CAMTA1: variants seen among roughly 807,000 people sequenced by gnomAD.
CAMTA1 encodes calmodulin-binding transcription activator 1.
CAMTA1 carries 27 observed loss-of-function variants against 170.9 expected under a neutral mutation model. The ratio of observed to expected loss-of-function variants is 0.16; its 90% CI spans 0.12 to 0.22. The LOEUF (loss-of-function observed/expected upper bound fraction) is 0.22, where lower values mean the gene tolerates loss of function less well. Among genes scored for constraint, CAMTA1 ranks in the 10% least tolerant of loss-of-function variants. The pLI is 1.00. For synonymous variants in CAMTA1, 833 were observed against 891.5 expected (o/e 0.93, Z 1.17); for missense variants, 1,619 against 2,217.2 (o/e 0.73, Z 5.42).
At chr1:7,452,934 C>T (rs1447555033) in intron 5 of CAMTA1, among the ~76,000 whole-genome samples, 1 of 152,174 alleles carries the variant, frequency 6.6e-6, no homozygotes, top group Non-Finnish European at 1.5e-5. Flanking sequence ...AGGAATGGGC[C>T]ACAGTTTCTC....
intron 4 of CAMTA1, among the ~76,000 whole-genome samples, chr1:7,098,099 T>TTGTGTGTGTGTG (rs61519330): frequency 8.7e-4 from 131 of 150,878 alleles, no homozygotes; most frequent in African/African-American, 3.1e-3. Flanking sequence ...GGTGGACGAA[T>TTGTGTGTGTGTG]TGTGTGTGTG....
At chr1:7,257,076 C>CCGG (rs1553291545) in intron 5 of CAMTA1, among the ~76,000 whole-genome samples, 2 of 135,134 alleles carry the variant, frequency 1.5e-5, no homozygotes, top group Non-Finnish European at 1.6e-5. Flanking sequence ...CATCGCATGG[C>CCGG]GGGGGCGGGG....
chr1:7,293,974 A>G lies in CAMTA1; in HGVS notation c.438+44348A>G, dbSNP rs1449955980. ...ACCTGTTAAAGCTTGCAAAGATATCATCGGCAGGCATTTTCCCAGGGGAAG... is the reference window on the plus strand; with the variant it reads ...ACCTGTTAAAGCTTGCAAAGATATCGTCGGCAGGCATTTTCCCAGGGGAAG... On this transcript the variant is annotated intron_variant, in intron 5 of 22. Transcript: ENST00000303635. This position sits in a 1 kb window ranked among gnomAD's most constrained non-coding sequence, Gnocchi z 4.1. 2.0e-5 allele frequency among the ~76,000 whole-genome samples: 3 copies of G among 152,214 alleles called. No homozygotes were observed. The highest frequency in any genetic ancestry group is 7.2e-5 in the African/African-American group (3 of 41,452).
chr1:7,121,507 T>G (rs1302830112), intron 4 of CAMTA1, among the ~76,000 whole-genome samples: 1 of 152,180 alleles, frequency 6.6e-6, no homozygotes, highest in East Asian at 1.9e-4. Context: ...GGAGAACTCT[T>G]GCGGTCATGG....
In CAMTA1 at chr1:7,078,757, A is replaced by C. The variant is rs115764559; in HGVS notation, c.235-12547A>C. Among the ~76,000 whole-genome samples the C allele has an allele frequency of 7.0e-3, 1,070 of 152,314 alleles. 16 individuals carry two copies. Among genetic ancestry groups the C allele is most frequent in the African/African-American group, 0.025 (1,020 of 41,562 alleles). On this transcript the variant is annotated intron_variant, in intron 3 of 22. Transcript: ENST00000303635. ...AGAGTAGGACTGTGGTTGCTAAGAGAAGACTGTAAACCATACAATCACTTT... is the reference window on the plus strand; with the variant it reads ...AGAGTAGGACTGTGGTTGCTAAGAGCAGACTGTAAACCATACAATCACTTT...
chr1:7,061,980 C>T (rs562902939), intron 3 of CAMTA1, among the ~76,000 whole-genome samples: 16 of 152,222 alleles, frequency 1.1e-4, no homozygotes, highest in Non-Finnish European at 1.9e-4. Context: ...TGAAGTGGCA[C>T]GATTTTGGCT....
chr1:7,136,795 C>T (rs1436524828), intron 4 of CAMTA1, among the ~76,000 whole-genome samples: 3 of 152,208 alleles, frequency 2.0e-5, no homozygotes, highest in Non-Finnish European at 4.4e-5. Context: ...ACCGCTCTGT[C>T]CTGGCTGGCT....
At chr1:7,607,554 G>A (rs920201242) in intron 6 of CAMTA1, among the ~76,000 whole-genome samples, 1 of 151,982 alleles carries the variant, frequency 6.6e-6, no homozygotes, top group Admixed American at 6.6e-5. Context: ...GATGGGTAGT[G>A]CATATATGGA....
intron 3 of CAMTA1, among the ~76,000 whole-genome samples, chr1:6,935,946 C>A (rs972612517): frequency 6.6e-6 from 1 of 152,190 alleles, no homozygotes; most frequent in South Asian, 2.1e-4. Context: ...ACCAGAACTT[C>A]TGGCTCCCAG....
intron 4 of CAMTA1, among the ~76,000 whole-genome samples, chr1:7,122,689 G>A (rs1167560637): frequency 6.6e-6 from 1 of 152,160 alleles, no homozygotes; most frequent in Non-Finnish European, 1.5e-5. Flanking sequence ...CCTCAGGGCT[G>A]TTGTTGCTGA....
intron 4 of CAMTA1, among the ~76,000 whole-genome samples, chr1:7,221,648 C>T (rs186085033): frequency 8.5e-5 from 13 of 152,264 alleles, no homozygotes; most frequent in Admixed American, 6.5e-5. Flanking sequence ...CAGTGTGAGC[C>T]TGGCCTTTGG....
intron 6 of CAMTA1, among the ~76,000 whole-genome samples, chr1:7,496,187 A>T (rs2093824178): frequency 1.3e-5 from 2 of 152,184 alleles, no homozygotes; most frequent in Admixed American, 6.5e-5. Context: ...GGCAGTCTGA[A>T]TAGGCTGGGG....
chr1:7,539,471 A>G (rs1318148876), intron 6 of CAMTA1, among the ~76,000 whole-genome samples: 1 of 152,374 alleles, frequency 6.6e-6, no homozygotes, highest in Non-Finnish European at 1.5e-5. Flanking sequence ...AGCACGTAGC[A>G]TATTTCTTTG....
At chr1:7,475,510 C>T (rs1038391384) in intron 6 of CAMTA1, among the ~76,000 whole-genome samples, 1 of 152,250 alleles carries the variant, frequency 6.6e-6, no homozygotes, top group South Asian at 2.1e-4. Context: ...CTGCCAGACC[C>T]TCTGCGCACC....
intron 11 of CAMTA1, among the ~76,000 whole-genome samples, chr1:7,706,002 G>A (rs1462290404): frequency 2.6e-5 from 4 of 152,084 alleles, no homozygotes; most frequent in Non-Finnish European, 5.9e-5. Flanking sequence ...ATGGCGTTCT[G>A]GTGTTTGAGA....
chr1:7,610,613 A>G lies in CAMTA1; in HGVS notation c.511-29787A>G, dbSNP rs186778949. Among the ~76,000 whole-genome samples, 76 of 152,326 alleles carry G rather than the reference A, an allele frequency of 5.0e-4. No individual in the cohort carries two copies. The South Asian group carries it at 6.2e-3, about 12-fold the overall frequency. On this transcript the variant is annotated intron_variant, in intron 6 of 22. Coordinates refer to ENST00000303635, the MANE Select transcript of CAMTA1 (RefSeq NM_015215.4). ...GGCCCCTCCTATAGGCCTGTCAGCA[A>G]CAGTTGCAGGGGGGTGCCCATCCAT... is the stretch of plus-strand genomic sequence containing the variant.
At chr1:6,962,427 G>GCCCACCCTTTCTATAGC (rs1690608710) in intron 3 of CAMTA1, among the ~76,000 whole-genome samples, 1 of 134,456 alleles carries the variant, frequency 7.4e-6, no homozygotes, top group Non-Finnish European at 1.6e-5. Context: ...TCTTCCCCGG[G>GCCCACCCTTTCTATAGC]CCCACCCTTT....
chr1:7,676,856 G>A (rs1247231340), intron 10 of CAMTA1, among the ~76,000 whole-genome samples: 2 of 152,218 alleles, frequency 1.3e-5, no homozygotes, highest in East Asian at 1.9e-4. Flanking sequence ...GGTCTCCACC[G>A]CAGGCTGGCT....
chr1:7,488,692 C>G (rs922281542), intron 6 of CAMTA1, among the ~76,000 whole-genome samples: 1 of 152,128 alleles, frequency 6.6e-6, no homozygotes. Context: ...CACATATACA[C>G]ATAAATATAT....
Sources: allele counts gnomAD v4.1 joint callset (sites outside exome capture counted in the v4.1 genomes callset), GRCh38; gene constraint gnomAD v4.1.1; non-coding constraint Gnocchi (gnomAD v3.1); transcripts MANE v1.5; gene names NCBI Gene and HGNC (gene_info 2026-07-23, HGNC 2026-07-21).